Variants in DISP3 observed in about 807,000 individuals in gnomAD.
DISP3 encodes dispatched RND transporter family member 3.
Under a neutral mutation model 135.3 loss-of-function variants are expected in DISP3, and 101 were observed. That is an observed-to-expected ratio of 0.75 (90% confidence interval 0.64 to 0.88). The LOEUF is 0.88. Among genes scored for constraint, DISP3 ranks in the 40% least tolerant of loss-of-function variants. The pLI is 0.00. For missense variants in DISP3, 1,713 were observed against 1,878.6 expected (o/e 0.91, Z 1.63); for synonymous variants, 856 against 817.0 (o/e 1.05, Z -0.81).
At position 11,519,866 on chromosome 1, in the gene DISP3, G is replaced by A. The variant is rs751031371; in HGVS notation, c.2186G>A (p.Arg729His). 1.2e-5 allele frequency: 19 copies of A among 1,608,430 alleles called. No individual in the cohort carries two copies. Among genetic ancestry groups the A allele is most frequent in the East Asian group, 2.2e-5 (1 of 44,820 alleles). Residue 729 changes from arginine to histidine, a missense_variant, in exon 9 of 21, where the codon CGC becomes CAC. Transcript: ENST00000294484. The surrounding 1 kb of genome is among the most constrained non-coding windows in gnomAD (Gnocchi z 4.3). ...GTCCTGTGGTCAGCCGTCAAGAGCC[G>A]CTGGGTGATTGTGGGTAAGTGGGCC... is the stretch of plus-strand genomic sequence containing the variant. ...HWVLWSAVKS[R>H]WVIVGLFVSI...
chr1:11,534,815 G>A, intron 18 of DISP3, 196 bp from the exon 19 acceptor site: 1 of 765,124 alleles, frequency 1.3e-6, no homozygotes. Context: ...CCCCTCCTAG[G>A]TGCCTAGGCT....
chr1:11,531,195 G>T lies in DISP3; in HGVS notation c.3229+162G>T, dbSNP rs533755890. On this transcript the variant is annotated intron_variant, in intron 16 of 20. Transcript: ENST00000294484. This position sits in a 1 kb window ranked among gnomAD's most constrained non-coding sequence, Gnocchi z 5.2. Reference sequence around the variant, plus strand: ...CTGAGCATGTCCACACCAGGGTGGGGTGTGTGCCGGCAGTCGAGGGTTTTT... The same window carrying T: ...CTGAGCATGTCCACACCAGGGTGGGTTGTGTGCCGGCAGTCGAGGGTTTTT... 1.7e-4 allele frequency among the ~76,000 whole-genome samples: 26 copies of T among 152,328 alleles called. No homozygotes were observed. In the South Asian group the frequency reaches 4.3e-3, roughly 25 times the overall value.
chr1:11,524,329 G>A (rs1387343844), intron 11 of DISP3, among the ~76,000 whole-genome samples: 2 of 151,904 alleles, frequency 1.3e-5, no homozygotes, highest in African/African-American at 2.4e-5. Flanking sequence ...GCAGAGGTGG[G>A]CATCCTGGGC....
intron 1 of DISP3, 35 bp from the exon 2 acceptor site, chr1:11,500,955 C>A: frequency 6.2e-7 from 1 of 1,607,752 alleles, no homozygotes; most frequent in South Asian, 1.1e-5. Flanking sequence ...CCCTCACTGT[C>A]TCTCTAGCCT....
At chr1:11,517,323 C>A in intron 6 of DISP3, 140 bp from the exon 7 acceptor site, 1 of 1,131,474 alleles carries the variant, frequency 8.8e-7, no homozygotes, top group Non-Finnish European at 1.3e-6. Flanking sequence ...GCCTGGCATT[C>A]TGGCAGCCTG....
Position 11,529,926 on chromosome 1 carries a change from T to C in DISP3, c.3069T>C (p.Thr1023=). The C allele has an allele frequency of 6.2e-7, 1 of 1,613,728 alleles. No homozygotes were observed. The highest frequency in any genetic ancestry group is 8.5e-7 in the Non-Finnish European group (1 of 1,180,024). ...VVFGIIGVNR[T]RQVDNHVIGD... ...TCGGCATTATTGGCGTCAACCGCAC[T>C]CGGCAGGTGGACAACCACGTCATTG... is the stretch of plus-strand genomic sequence containing the variant. Residue 1023 remains threonine (T), a synonymous_variant, in exon 15 of 21, where the codon ACT becomes ACC. Transcript: ENST00000294484. This position sits in a 1 kb window ranked among gnomAD's most constrained non-coding sequence, Gnocchi z 4.7.
chr1:11,532,816 G>C (rs1331026350), intron 17 of DISP3, among the ~76,000 whole-genome samples: 1 of 152,032 alleles, frequency 6.6e-6, no homozygotes, highest in African/African-American at 2.4e-5. Context: ...TCCCACCTCA[G>C]CCTCCCCAGT....
In DISP3 at chr1:11,519,821, A is replaced by G. The variant is rs1403873310; in HGVS notation, c.2141A>G (p.Gln714Arg). 3 of 1,612,472 alleles carry G rather than the reference A, an allele frequency of 1.9e-6. No homozygotes were observed. The highest frequency in any genetic ancestry group is 2.7e-5 in the African/African-American group (2 of 74,882). Reference protein sequence around the residue: ...GSRGHLIVQLQELLHHWVLWS... With the variant: ...GSRGHLIVQLRELLHHWVLWS... ...CGCGGCCATCTCATCGTGCAGCTGC[A>G]GGAGCTGCTGCACCACTGGGTCCTG... The change falls in exon 9 of 21, where the codon CAG (glutamine) becomes CGG (arginine). Residue 714 changes from glutamine to arginine, a missense_variant. Physicochemically the swap from Gln to Arg is conservative, Grantham distance 43 (BLOSUM62 1). Coordinates refer to ENST00000294484, the MANE Select transcript of DISP3 (RefSeq NM_020780.2). The surrounding 1 kb of genome is among the most constrained non-coding windows in gnomAD (Gnocchi z 4.3).
rs1275528573 is a variant in DISP3, at chr1:11,531,442, G to A, written c.3230-123G>A. The A allele has an allele frequency of 1.9e-5, 26 of 1,379,894 alleles. No individual in the cohort carries two copies. Among genetic ancestry groups the A allele is most frequent in the Non-Finnish European group, 2.4e-5 (24 of 991,248 alleles). 85.5% of individuals were successfully genotyped at this position (1,379,894 alleles called of 1,614,324 possible). On this transcript the variant is annotated intron_variant, in intron 16 of 20. Coordinates refer to ENST00000294484, the MANE Select transcript of DISP3 (RefSeq NM_020780.2). This position sits in a 1 kb window ranked among gnomAD's most constrained non-coding sequence, Gnocchi z 5.2. ...TGCATGTTGTAGGTTTCCCAATGCCGTTGCCAATGGTTACAAGCACTCTAA... is the reference window on the plus strand; with the variant it reads ...TGCATGTTGTAGGTTTCCCAATGCCATTGCCAATGGTTACAAGCACTCTAA...
At position 11,491,759 on chromosome 1, in the gene DISP3, G is replaced by A. The variant is rs12565837; in HGVS notation, c.-3-9231G>A. On this transcript the variant is annotated intron_variant, in intron 1 of 20. Transcript: ENST00000294484. This position sits in a 1 kb window ranked among gnomAD's most constrained non-coding sequence, Gnocchi z 4.3. ...CAAGGATCTTTGGGGCAGAGAATAA[G>A]GGAGTCCGCTCCAGTTGACTTGGGG... 0.49 allele frequency among the ~76,000 whole-genome samples: 73,783 copies of A among 152,016 alleles called. 19,830 individuals carry two copies. Among genetic ancestry groups the A allele is most frequent in the East Asian group, 0.73 (3,743 of 5,148 alleles).
At chr1:11,498,661 C>T (rs1299237366) in intron 1 of DISP3, among the ~76,000 whole-genome samples, 6 of 152,192 alleles carry the variant, frequency 3.9e-5, no homozygotes, top group African/African-American at 1.4e-4. Flanking sequence ...TTGGAAAACA[C>T]AGCCAGGTAC....
At chr1:11,530,326 G>A (rs964921394) in intron 15 of DISP3, among the ~76,000 whole-genome samples, 4 of 152,200 alleles carry the variant, frequency 2.6e-5, no homozygotes, top group African/African-American at 9.6e-5. Context: ...ATGCACTCCT[G>A]TCCAATGTGG....
chr1:11,519,930 A>C lies in DISP3; in HGVS notation c.2200+50A>C. 2 of 1,535,614 alleles carry C rather than the reference A, an allele frequency of 1.3e-6. No homozygotes were observed. The highest frequency in any genetic ancestry group is 1.8e-6 in the Non-Finnish European group (2 of 1,133,568). On this transcript the variant is annotated intron_variant, in intron 9 of 20. Coordinates refer to ENST00000294484, the MANE Select transcript of DISP3 (RefSeq NM_020780.2). The surrounding 1 kb of genome is among the most constrained non-coding windows in gnomAD (Gnocchi z 4.3). ...CCCTGTCTCACAGCTCCACCCCCAA[A>C]ACACACAGGAACTGGGAGCCCACCC...
intron 3 of DISP3, among the ~76,000 whole-genome samples, chr1:11,508,970 C>T (rs900038838): frequency 6.6e-6 from 1 of 152,088 alleles, no homozygotes; most frequent in African/African-American, 2.4e-5. Context: ...TTCTCTTGTA[C>T]TACTTTCTTA....
Position 11,529,857 on chromosome 1 carries a change from G to T in DISP3, c.3000G>T (p.Ala1000=). The T allele has an allele frequency of 1.2e-6, 2 of 1,614,038 alleles. No individual in the cohort carries two copies. Residue 1000 remains alanine, a synonymous_variant, in exon 15 of 21, where the codon GCG becomes GCT. Transcript: ENST00000294484. This position sits in a 1 kb window ranked among gnomAD's most constrained non-coding sequence, Gnocchi z 4.7. Reference sequence around the variant, plus strand: ...TGAACACGGGCTGCGGGAAGCCGGCGGTGCGGCCACTAGTGGATACCGGGG... The same window carrying T: ...TGAACACGGGCTGCGGGAAGCCGGCTGTGCGGCCACTAGTGGATACCGGGG... ...PCVNTGCGKP[A]VRPLVDTGAM... is the part of the protein sequence containing the mutation.
chr1:11,529,787 T>G lies in DISP3; in HGVS notation c.2930T>G (p.Val977Gly). 1.2e-6 allele frequency: 2 copies of G among 1,611,428 alleles called. No individual in the cohort carries two copies. Among genetic ancestry groups the G allele is most frequent in the Non-Finnish European group, 1.7e-6 (2 of 1,178,318 alleles). The change falls in exon 15 of 21, where the codon GTG (valine) becomes GGG (glycine). Residue 977 changes from valine to glycine, a missense_variant and splice_region_variant. By Grantham distance (109) the Val-to-Gly change is moderately radical. Coordinates refer to ENST00000294484, the MANE Select transcript of DISP3 (RefSeq NM_020780.2). This position sits in a 1 kb window ranked among gnomAD's most constrained non-coding sequence, Gnocchi z 4.7. ...TACAGCTGTGACTCCCTGTTCGCAG[T>G]GCCCAAGGCCCGTCTCTCAGCCACC... is the stretch of plus-strand genomic sequence containing the variant. The part of the protein sequence containing the change: ...KGFFFVPSEK[V>G]PKARLSATFG...
At chr1:11,521,355 G>A (rs1205288914) in intron 10 of DISP3, among the ~76,000 whole-genome samples, 4 of 116,394 alleles carry the variant, frequency 3.4e-5, no homozygotes, top group Admixed American at 1.8e-4. Context: ...GGAGGGGTTA[G>A]CCAGGTGAGG....
At chr1:11,482,051 T>G (rs1640918524) in intron 1 of DISP3, 1 of 152,166 alleles carries the variant, frequency 6.6e-6, no homozygotes, top group South Asian at 2.1e-4. Flanking sequence ...AATAGAAGAT[T>G]TAAACCTGGA....
At chr1:11,479,900 C>T (rs980680063) in intron 1 of DISP3, among the ~76,000 whole-genome samples, 1 of 152,148 alleles carries the variant, frequency 6.6e-6, no homozygotes, top group African/African-American at 2.4e-5. Context: ...GCAGGTCCGG[C>T]CGGGGAGGGC....
Sources: allele counts gnomAD v4.1 joint callset (sites outside exome capture counted in the v4.1 genomes callset), GRCh38; gene constraint gnomAD v4.1.1; non-coding constraint Gnocchi (gnomAD v3.1); transcripts MANE v1.5; gene names NCBI Gene and HGNC (gene_info 2026-07-23, HGNC 2026-07-21).